The following SCN9A variants were observed in gnomAD, a reference collection of about 807,000 sequenced individuals.
The protein encoded by SCN9A is sodium channel protein type 9 subunit alpha.
SCN9A carries 131 observed loss-of-function variants against 187.0 expected under a neutral mutation model. That is an observed-to-expected ratio of 0.70 (90% CI 0.61 to 0.81). The LOEUF is 0.81. Among genes scored for constraint, SCN9A ranks in the 30% least tolerant of loss-of-function variants. SCN9A has a pLI of 0.00. For missense variants in SCN9A, 2,252 were observed against 2,396.6 expected, an observed-to-expected ratio of 0.94 and a Z score of 1.26; for synonymous variants, 809 against 808.6, an observed-to-expected ratio of 1.00 and a Z score of -0.01.
chr2:166,298,963 C>T (rs756013691), intron 7 of SCN9A: 21 of 152,170 alleles, frequency 1.4e-4, no homozygotes, highest in Admixed American at 1.2e-3. Flanking sequence ...TCCTCATTTG[C>T]ACTCTCAGGC....
intron 17 of SCN9A, among the ~76,000 whole-genome samples, chr2:166,254,057 G>C (rs1279766473): frequency 6.6e-6 from 1 of 151,446 alleles, no homozygotes; most frequent in Non-Finnish European, 1.5e-5. Context: ...AAAAATTCAC[G>C]TGATTTTATA....
intron 4 of SCN9A, 137 bp from the exon 5 acceptor site, chr2:166,306,057 A>G: frequency 6.8e-6 from 6 of 886,784 alleles, no homozygotes; most frequent in Non-Finnish European, 1.0e-5. Flanking sequence ...GACACACCCT[A>G]TTAAACTACA....
In SCN9A at chr2:166,303,258, G is replaced by A. The variant is rs756247571; in HGVS notation, c.733C>T (p.Leu245Phe). The stretch of plus-strand genomic sequence containing the variant: ...ACAGTCAGGATCATGACATCAGAAA[G>A]CTTCTTCACTGACTGGATCAAAGCC... ...VGALIQSVKK[L>F]SDVMILTVFC... The change falls in exon 7 of 27, where the codon CTT becomes TTT. Residue 245 changes from leucine to phenylalanine, a missense_variant. Transcript: ENST00000642356. 2 of 1,613,602 alleles carry A rather than the reference G, an allele frequency of 1.2e-6. No homozygotes were observed. Among genetic ancestry groups the A allele is most frequent in the South Asian group, 2.2e-5 (2 of 91,048 alleles).
chr2:166,224,234 G>A (rs1026441060), intron 24 of SCN9A, among the ~76,000 whole-genome samples: 1 of 152,060 alleles, frequency 6.6e-6, no homozygotes, highest in African/African-American at 2.4e-5. Context: ...TTACATGTAT[G>A]TATATATAAT....
At chr2:166,245,609 A>C (rs1464826569) in intron 18 of SCN9A, among the ~76,000 whole-genome samples, 1 of 152,028 alleles carries the variant, frequency 6.6e-6, no homozygotes, top group African/African-American at 2.4e-5. Context: ...TGAAGAAAAG[A>C]GAGACTCTTT....
At chr2:166,324,652 T>A (rs1476413170) in intron 1 of SCN9A, among the ~76,000 whole-genome samples, 1 of 152,206 alleles carries the variant, frequency 6.6e-6, no homozygotes, top group Non-Finnish European at 1.5e-5. Context: ...GTACCATTGA[T>A]ACTATGTGAT....
At chr2:166,277,596 T>C (rs1484523366) in intron 15 of SCN9A, 1 of 361,230 alleles carries the variant, frequency 2.8e-6, no homozygotes. Context: ...TAGAAACCTC[T>C]TATCATAATT....
Position 166,199,246 on chromosome 2 carries a change from T to G in SCN9A, c.5393A>C (p.Glu1798Ala), listed in dbSNP as rs200745478. 1 of 1,614,042 alleles carries G rather than the reference T, an allele frequency of 6.2e-7. No homozygotes were observed. The highest frequency in any genetic ancestry group is 1.1e-5 in the South Asian group (1 of 91,088). The change falls in exon 27 of 27, where the codon GAG becomes GCG. Residue 1798 changes from glutamate (E) to alanine (A), a missense_variant. By Grantham distance (107) the Glu-to-Ala change is moderately radical. Coordinates refer to ENST00000642356, the MANE Select transcript of SCN9A (RefSeq NM_001365536.1). ...TGCAAAATCAGAGAGTTTAGAGAACTCTATAAACTGGGTCGCATCGGGATC... is the reference window on the plus strand; with the variant it reads ...TGCAAAATCAGAGAGTTTAGAGAACGCTATAAACTGGGTCGCATCGGGATC... ...KFDPDATQFI[E>A]FSKLSDFAAA... is the part of the protein sequence containing the mutation.
At chr2:166,314,519 G>A (rs1295336885) in intron 1 of SCN9A, among the ~76,000 whole-genome samples, 1 of 152,170 alleles carries the variant, frequency 6.6e-6, no homozygotes, top group African/African-American at 2.4e-5. Flanking sequence ...TGAATGTTCA[G>A]CAGCATTATT....
At chr2:166,242,380 T>C (rs1695604247) in intron 19 of SCN9A, 122 bp downstream of exon 19, 1 of 817,810 alleles carries the variant, frequency 1.2e-6, no homozygotes, top group African/African-American at 1.7e-5. Context: ...AATTTTGTCA[T>C]TGGCACTAAT....
chr2:166,245,752 A>T (rs1473422383), intron 18 of SCN9A, among the ~76,000 whole-genome samples: 3 of 151,996 alleles, frequency 2.0e-5, no homozygotes, highest in Non-Finnish European at 4.4e-5. Flanking sequence ...TGAATTTTAG[A>T]TATTTCTAAA....
At position 166,199,295 on chromosome 2, in the gene SCN9A, A is replaced by C. The variant is rs767347325; in HGVS notation, c.5344T>G (p.Phe1782Val). 6.2e-7 allele frequency: 1 copy of C among 1,614,170 alleles called. No homozygotes were observed. Among genetic ancestry groups the C allele is most frequent in the Non-Finnish European group, 8.5e-7 (1 of 1,180,028 alleles). The change falls in exon 27 of 27, where the codon TTC becomes GTC. Residue 1782 changes from phenylalanine to valine, a missense_variant. Transcript: ENST00000642356. ...TCAAACTTCTCCCAAACCTCATAGA[A>C]CATCTCAAAGTCATCCTCACTCAGA... The part of the protein sequence containing the change: ...EPLSEDDFEM[F>V]YEVWEKFDPD...
At chr2:166,267,939 A>C (rs1696811570) in intron 17 of SCN9A, among the ~76,000 whole-genome samples, 2 of 151,970 alleles carry the variant, frequency 1.3e-5, no homozygotes, top group Admixed American at 1.3e-4. Flanking sequence ...AACAATTCAA[A>C]GGATATGATC....
intron 17 of SCN9A, among the ~76,000 whole-genome samples, chr2:166,265,406 G>T (rs554778355): frequency 6.6e-6 from 1 of 151,782 alleles, no homozygotes; most frequent in South Asian, 2.1e-4. Context: ...GCTGAATGGC[G>T]TTCAATTTTT....
intron 1 of SCN9A, among the ~76,000 whole-genome samples, chr2:166,362,123 C>A (rs895436043): frequency 6.6e-6 from 1 of 152,004 alleles, no homozygotes; most frequent in Admixed American, 6.6e-5. Flanking sequence ...TCTATATTAG[C>A]AAAGGAAGGG....
At chr2:166,257,368 G>C (rs1696324258) in intron 17 of SCN9A, among the ~76,000 whole-genome samples, 1 of 151,564 alleles carries the variant, frequency 6.6e-6, no homozygotes, top group South Asian at 2.1e-4. Flanking sequence ...CACAAAGTAA[G>C]CTACCTAGAT....
chr2:166,350,597 A>G (rs1407339115), intron 1 of SCN9A, among the ~76,000 whole-genome samples: 1 of 152,214 alleles, frequency 6.6e-6, no homozygotes, highest in East Asian at 1.9e-4. Flanking sequence ...TATGCCCACT[A>G]TTATCCTAGA....
In SCN9A at chr2:166,271,874, A is replaced by G. The variant is rs185130111; in HGVS notation, c.3351+525T>C. Among the ~76,000 whole-genome samples the G allele has an allele frequency of 1.8e-4, 27 of 149,646 alleles. No individual in the cohort carries two copies. The East Asian group carries it at 4.9e-3, about 27-fold the overall frequency. On this transcript the variant is annotated intron_variant, in intron 17 of 26. Transcript: ENST00000642356. ...CCTGTCTCCGTTTTTTAAAAAAAAG[A>G]AGAGAGAGAGAGAGAGAGCGATACT...
At chr2:166,334,333 A>C (rs1699578018) in intron 1 of SCN9A, among the ~76,000 whole-genome samples, 1 of 152,108 alleles carries the variant, frequency 6.6e-6, no homozygotes, top group Non-Finnish European at 1.5e-5. Flanking sequence ...TACTTTACTG[A>C]TATCAGATGC....
Sources: gnomAD v4.1 joint callset for allele counts (sites outside exome capture counted in the v4.1 genomes callset) on GRCh38, gnomAD v4.1.1 for gene constraint, MANE v1.5 for transcripts, NCBI Gene and HGNC (gene_info 2026-07-23, HGNC 2026-07-21) for gene names.